Variants in OR51E2 observed in about 807,000 individuals in gnomAD.
OR51E2 encodes the protein olfactory receptor 51E2.
OR51E2 carries 14 observed loss-of-function variants against 13.7 expected under a neutral mutation model. That is an observed-to-expected ratio of 1.02 (90% confidence interval 0.68 to 1.60). The LOEUF is 1.60. Among genes scored for constraint, OR51E2 ranks in the 40% most tolerant of loss-of-function variants. The pLI, the probability that OR51E2 is intolerant of heterozygous loss-of-function variation, is 0.00. For synonymous variants in OR51E2, 180 were observed against 157.6 expected (o/e 1.14, Z -1.07); for missense variants, 483 against 413.8 (o/e 1.17, Z -1.45).
intron 1 of OR51E2, among the ~76,000 whole-genome samples, chr11:4,694,321 C>T (rs1049803675): frequency 2.0e-5 from 3 of 151,852 alleles, no homozygotes; most frequent in Non-Finnish European, 2.9e-5. Flanking sequence ...TCTCTCCTTT[C>T]CATCACTTTA....
intron 1 of OR51E2, chr11:4,685,005 C>T (rs373203451): frequency 6.6e-6 from 1 of 152,228 alleles, no homozygotes; most frequent in Non-Finnish European, 1.5e-5. Flanking sequence ...CTTCAAGGTC[C>T]CTTAGGATGG....
intron 1 of OR51E2, among the ~76,000 whole-genome samples, chr11:4,697,332 T>G (rs1233808108): frequency 6.6e-6 from 1 of 152,230 alleles, no homozygotes; most frequent in Non-Finnish European, 1.5e-5. Flanking sequence ...GGCAATGCGT[T>G]CGAAATTGGT....
rs1589871825 is a variant in OR51E2 at position 4,682,768 on chromosome 11, G to A, written c.-50-7C>T. ...GTGAGGTCACACTGGCAGTCTGCAG[G>A]GACATAGAGCACAATCAGAGAATGC... On this transcript the variant is annotated splice_region_variant and splice_polypyrimidine_tract_variant and intron_variant, in intron 1 of 1. Coordinates refer to ENST00000396950, the MANE Select transcript of OR51E2 (RefSeq NM_030774.4). 1.3e-6 allele frequency: 2 copies of A among 1,568,024 alleles called. No individual in the cohort carries two copies. Among genetic ancestry groups the A allele is most frequent in the Non-Finnish European group, 1.7e-6 (2 of 1,155,004 alleles).
chr11:4,689,320 A>G (rs1372268551), intron 1 of OR51E2, among the ~76,000 whole-genome samples: 5 of 152,240 alleles, frequency 3.3e-5, no homozygotes, highest in African/African-American at 7.2e-5. Context: ...GAAACAGCCT[A>G]TATGTAATAT....
intron 1 of OR51E2, among the ~76,000 whole-genome samples, chr11:4,686,015 A>G (rs564943872): frequency 4.6e-5 from 7 of 152,340 alleles, no homozygotes; most frequent in Admixed American, 1.3e-4. Flanking sequence ...TCCATCAGCC[A>G]TTAAGTATTT....
chr11:4,694,937 A>T (rs1445106397), intron 1 of OR51E2, among the ~76,000 whole-genome samples: 2 of 152,150 alleles, frequency 1.3e-5, no homozygotes, highest in Admixed American at 1.3e-4. Flanking sequence ...ATAAGGATGA[A>T]AAACAGGGGA....
intron 1 of OR51E2, among the ~76,000 whole-genome samples, chr11:4,682,966 G>C (rs1014011049): frequency 6.6e-6 from 1 of 152,202 alleles, no homozygotes; most frequent in Admixed American, 6.5e-5. Flanking sequence ...TCTTGGGAGA[G>C]CAATGCTTTT....
At chr11:4,685,166 A>G (rs999015430) in intron 1 of OR51E2, 1 of 152,210 alleles carries the variant, frequency 6.6e-6, no homozygotes, top group East Asian at 1.9e-4. Context: ...ACAGGCAGTG[A>G]GAGTATGAAC....
In OR51E2 at chr11:4,682,283, A is replaced by T; in HGVS notation, c.429T>A (p.Ile143=). Reference sequence around the variant, plus strand: ...ATCCGCGGACCACAGCCACGATGCCAATCTGGGCTGTTACTGTATTGTTGA... The same window carrying T: ...ATCCGCGGACCACAGCCACGATGCCTATCTGGGCTGTTACTGTATTGTTGA... ...AVLNNTVTAQ[I]GIVAVVRGSL... is the part of the protein sequence containing the mutation. The change falls in exon 2 of 2, where the codon ATT becomes ATA. Residue 143 remains isoleucine (I), a synonymous_variant. Coordinates refer to ENST00000396950, the MANE Select transcript of OR51E2 (RefSeq NM_030774.4). 1 of 1,614,190 alleles carries T rather than the reference A, an allele frequency of 6.2e-7. No homozygotes were observed. Among genetic ancestry groups the T allele is most frequent in the Non-Finnish European group, 8.5e-7 (1 of 1,180,042 alleles).
chr11:4,694,875 C>T (rs189379382), intron 1 of OR51E2, among the ~76,000 whole-genome samples: 3 of 152,106 alleles, frequency 2.0e-5, no homozygotes, highest in Admixed American at 6.5e-5. Context: ...AGAATGTTAA[C>T]AGAATGTATG....
At chr11:4,693,377 T>C (rs1231640432) in intron 1 of OR51E2, among the ~76,000 whole-genome samples, 1 of 152,206 alleles carries the variant, frequency 6.6e-6, no homozygotes, top group Non-Finnish European at 1.5e-5. Context: ...TTTCTGTGTT[T>C]TATGTAAGTT....
chr11:4,691,169 G>A lies in OR51E2; in HGVS notation c.-51+6484C>T, dbSNP rs117014959. 252 of 456,794 alleles carry A rather than the reference G, an allele frequency of 5.5e-4. 4 individuals carry two copies. The East Asian group carries it at 0.016, about 30-fold the overall frequency. 28.3% of individuals were successfully genotyped at this position (456,794 alleles called of 1,614,324 possible). A position where few individuals can be genotyped will look rare whatever the true frequency, so the allele number is the denominator to read the frequency against. On this transcript the variant is annotated intron_variant, in intron 1 of 1. Transcript: ENST00000396950. Reference sequence around the variant, plus strand: ...TCACATCAGGGTGGTAGCAGTAGGAGTGGTGGAGTACTTGGCTGTGGCAGT... The same window carrying A: ...TCACATCAGGGTGGTAGCAGTAGGAATGGTGGAGTACTTGGCTGTGGCAGT...
chr11:4,692,562 A>G (rs1847596110), intron 1 of OR51E2, among the ~76,000 whole-genome samples: 1 of 152,174 alleles, frequency 6.6e-6, no homozygotes, highest in Non-Finnish European at 1.5e-5. Context: ...CAAACATCAC[A>G]TTTCTTTTTT....
intron 1 of OR51E2, among the ~76,000 whole-genome samples, chr11:4,692,837 G>A (rs1050966013): frequency 6.7e-6 from 1 of 149,170 alleles, no homozygotes; most frequent in Non-Finnish European, 1.5e-5. Context: ...AAGGATCACC[G>A]GAAGAAGTCT....
At position 4,681,824 on chromosome 11, in the gene OR51E2, T is replaced by C; in HGVS notation, c.888A>G (p.Lys296=). Residue 296 remains lysine (K), a synonymous_variant, in exon 2 of 2, where the codon AAA becomes AAG. Coordinates refer to ENST00000396950, the MANE Select transcript of OR51E2 (RefSeq NM_030774.4). ...INPIIYGAKT[K]QIRTRVLAMF... is the part of the protein sequence containing the mutation. ...TAGCCAGCACCCGTGTTCTGATCTG[T>C]TTGGTTTTGGCACCATAGATGATGG... 1 of 1,614,172 alleles carries C rather than the reference T, an allele frequency of 6.2e-7. No homozygotes were observed. The highest frequency in any genetic ancestry group is 1.1e-5 in the South Asian group (1 of 91,078).
intron 1 of OR51E2, chr11:4,692,252 G>T: frequency 5.3e-6 from 2 of 374,378 alleles, no homozygotes; most frequent in South Asian, 2.1e-5. Flanking sequence ...GTAACACATA[G>T]GAAGTGACAA....
intron 1 of OR51E2, chr11:4,691,593 G>T (rs1847580857): frequency 2.2e-6 from 1 of 456,450 alleles, no homozygotes; most frequent in Non-Finnish European, 4.4e-6. Context: ...AGCAGTTACA[G>T]AGAGGAAGCA....
intron 1 of OR51E2, chr11:4,691,322 G>C: frequency 2.2e-6 from 1 of 457,426 alleles, no homozygotes; most frequent in Non-Finnish European, 4.4e-6. Context: ...GATTAGAGAC[G>C]GCCACAAAAC....
rs373190123 is a variant in OR51E2 at position 4,681,967 on chromosome 11, C to A, written c.745G>T (p.Ala249Ser). The change falls in exon 2 of 2, where the codon GCC (alanine) becomes TCC (serine). Residue 249 changes from alanine to serine, a missense_variant. Transcript: ENST00000396950. The part of the protein sequence containing the change: ...TCVSHIGVVL[A>S]FYVPLIGLSV... Reference sequence around the variant, plus strand: ...AGGCCAATAAGTGGCACATAGAAGGCGAGTACCACACCAATGTGTGACACA... The same window carrying A: ...AGGCCAATAAGTGGCACATAGAAGGAGAGTACCACACCAATGTGTGACACA... 1 of 1,614,072 alleles carries A rather than the reference C, an allele frequency of 6.2e-7. No homozygotes were observed. Among genetic ancestry groups the A allele is most frequent in the South Asian group, 1.1e-5 (1 of 91,074 alleles).
Sources: allele counts gnomAD v4.1 joint callset (sites outside exome capture counted in the v4.1 genomes callset), GRCh38; gene constraint gnomAD v4.1.1; transcripts MANE v1.5; gene names NCBI Gene and HGNC (gene_info 2026-07-23, HGNC 2026-07-21).